The following WNT3A variants were observed in gnomAD, a reference collection of about 807,000 sequenced individuals.
WNT3A encodes the protein protein Wnt-3a.
In WNT3A, 17 loss-of-function variants were observed where a neutral mutation model predicts 37.0. The observed-to-expected ratio is 0.46, with a 90% CI of 0.31 to 0.69. The LOEUF is 0.69. Ranked by LOEUF, WNT3A falls within the 30% of genes least tolerant of loss-of-function variation. WNT3A has a pLI of 0.05. For missense variants in WNT3A, 411 were observed against 510.2 expected (o/e 0.81, Z 1.87); for synonymous variants, 187 against 211.0 (o/e 0.89, Z 0.99).
At position 228,038,860 on chromosome 1, in the gene WNT3A, G is replaced by T. The variant is rs998015459; in HGVS notation, c.314-11796G>T. ...GATCAGGCAGGGGGAAGGCCTGTGG[G>T]GTGGGGCATTTGCCCTGCAGACCTG... On this transcript the variant is annotated intron_variant, in intron 2 of 3. Transcript: ENST00000284523. The surrounding 1 kb of genome is among the most constrained non-coding windows in gnomAD (Gnocchi z 5.7). Among the ~76,000 whole-genome samples the T allele has an allele frequency of 9.9e-5, 15 of 152,224 alleles. 1 individual carries two copies. The highest frequency in any genetic ancestry group is 3.6e-4 in the African/African-American group (15 of 41,464).
chr1:228,045,737 A>T (rs1384211629), intron 2 of WNT3A, among the ~76,000 whole-genome samples: 3 of 152,132 alleles, frequency 2.0e-5, no homozygotes. Flanking sequence ...GTGGCTGCCT[A>T]GCTGCTCCCT....
At chr1:228,028,954 C>T (rs1203374396) in intron 2 of WNT3A, among the ~76,000 whole-genome samples, 5 of 152,058 alleles carry the variant, frequency 3.3e-5, no homozygotes, top group African/African-American at 7.2e-5. Context: ...TTAGGCAAAA[C>T]GAGTTTTTTT....
At chr1:228,028,691 AAT>A (rs1266180415) in intron 2 of WNT3A, among the ~76,000 whole-genome samples, 2 of 152,128 alleles carry the variant, frequency 1.3e-5, no homozygotes, top group African/African-American at 2.4e-5. Flanking sequence ...TTTTGAGGGG[AAT>A]TGCCTTGAAG....
At chr1:228,014,587 G>A (rs2030472802) in intron 1 of WNT3A, among the ~76,000 whole-genome samples, 1 of 152,244 alleles carries the variant, frequency 6.6e-6, no homozygotes, top group Non-Finnish European at 1.5e-5. Context: ...CAGCTGTGTG[G>A]CTGCGAGAAG....
At chr1:228,040,670 T>C (rs1362463679) in intron 2 of WNT3A, among the ~76,000 whole-genome samples, 1 of 151,836 alleles carries the variant, frequency 6.6e-6, no homozygotes, top group Non-Finnish European at 1.5e-5. Flanking sequence ...GATCACGAGG[T>C]CAGGAGATCG....
rs367839893 is a variant in WNT3A, at chr1:228,022,823, G to A, written c.228G>A (p.Glu76=). The part of the protein sequence containing the change: ...VAEGIKIGIQ[E]CQHQFRGRRW... The stretch of plus-strand genomic sequence containing the variant: ...AGGGCATCAAGATTGGCATCCAGGA[G>A]TGCCAGCACCAGTTCCGCGGCCGCC... The change falls in exon 2 of 4, where the codon GAG becomes GAA. Residue 76 remains glutamate (E), a synonymous_variant. Transcript: ENST00000284523. 5.6e-5 allele frequency: 90 copies of A among 1,614,112 alleles called. No individual in the cohort carries two copies. Among genetic ancestry groups the A allele is most frequent in the South Asian group, 3.3e-4 (30 of 91,084 alleles).
chr1:228,011,227 A>T (rs1425168677), intron 1 of WNT3A, among the ~76,000 whole-genome samples: 1 of 132,024 alleles, frequency 7.6e-6, no homozygotes, highest in African/African-American at 2.6e-5. Context: ...TGGCTGCAGC[A>T]TGGGTGTTTC....
chr1:228,038,779 C>T lies in WNT3A; in HGVS notation c.314-11877C>T, dbSNP rs1484556106. 6.6e-6 allele frequency among the ~76,000 whole-genome samples: 1 copy of T among 152,184 alleles called. No homozygotes were observed. Among genetic ancestry groups the T allele is most frequent in the Non-Finnish European group, 1.5e-5 (1 of 68,020 alleles). On this transcript the variant is annotated intron_variant, in intron 2 of 3. Coordinates refer to ENST00000284523, the MANE Select transcript of WNT3A (RefSeq NM_033131.4). The surrounding 1 kb of genome is among the most constrained non-coding windows in gnomAD (Gnocchi z 5.7). ...CTCCATCCCCCAGGATGCCTGAAGGCCAGTCCCTGGAGTACAGGGAGACTG... is the reference window on the plus strand; with the variant it reads ...CTCCATCCCCCAGGATGCCTGAAGGTCAGTCCCTGGAGTACAGGGAGACTG...
chr1:228,055,173 AAAAAAAATATAT>A (rs1489295167), intron 3 of WNT3A, among the ~76,000 whole-genome samples: 3 of 72,342 alleles, frequency 4.1e-5, no homozygotes, highest in African/African-American at 2.0e-4. Flanking sequence ...AAAAAAAAAA[AAAAAAAATATAT>A]ATATATATAT....
chr1:228,020,325 G>C (rs1017344523), intron 1 of WNT3A, among the ~76,000 whole-genome samples: 2 of 152,252 alleles, frequency 1.3e-5, no homozygotes, highest in Admixed American at 6.5e-5. Flanking sequence ...TGGCGTTCCT[G>C]GGTGCTCTGA....
At position 228,059,257 on chromosome 1, in the gene WNT3A, A is replaced by G; in HGVS notation, c.851A>G (p.Asn284Ser). 1.2e-6 allele frequency: 2 copies of G among 1,607,174 alleles called. No individual in the cohort carries two copies. The highest frequency in any genetic ancestry group is 1.7e-6 in the Non-Finnish European group (2 of 1,179,052). The change falls in exon 4 of 4, where the codon AAC (asparagine) becomes AGC (serine). Residue 284 changes from asparagine (N) to serine (S), a missense_variant. Asn to Ser is a conservative substitution (Grantham distance 46). Transcript: ENST00000284523. Reference sequence around the variant, plus strand: ...GCCTCGCCCAACTTCTGCGAGCCCAACCCTGAGACGGGCTCCTTCGGCACG... The same window carrying G: ...GCCTCGCCCAACTTCTGCGAGCCCAGCCCTGAGACGGGCTCCTTCGGCACG... ...YEASPNFCEP[N>S]PETGSFGTRD... is the part of the protein sequence containing the mutation.
rs936827953 is a variant in WNT3A at position 228,038,354 on chromosome 1, C to T, written c.314-12302C>T. The stretch of plus-strand genomic sequence containing the variant: ...CCCACAGCAAAGGGTCTTCTCCTTC[C>T]CCTGTGTTCAGGCCTCAGTGGGGGA... On this transcript the variant is annotated intron_variant, in intron 2 of 3. Coordinates refer to ENST00000284523, the MANE Select transcript of WNT3A (RefSeq NM_033131.4). The surrounding 1 kb of genome is among the most constrained non-coding windows in gnomAD (Gnocchi z 5.7). 6.6e-6 allele frequency among the ~76,000 whole-genome samples: 1 copy of T among 152,238 alleles called. No homozygotes were observed. The highest frequency in any genetic ancestry group is 6.5e-5 in the Admixed American group (1 of 15,284).
chr1:228,007,314 C>T lies in WNT3A; in HGVS notation c.71+115C>T, dbSNP rs995442361. On this transcript the variant is annotated intron_variant, in intron 1 of 3. Transcript: ENST00000284523. This position sits in a 1 kb window ranked among gnomAD's most constrained non-coding sequence, Gnocchi z 6.0. ...AGCCCGCGCCCTTCTGCTCCAGCCC[C>T]GCGTGCGGGCCGCGGGCGGTTGGTT... The T allele has an allele frequency of 2.9e-6, 3 of 1,032,368 alleles. No homozygotes were observed. The highest frequency in any genetic ancestry group is 3.4e-5 in the African/African-American group (2 of 58,006). 64.0% of individuals were successfully genotyped at this position (1,032,368 alleles called of 1,614,324 possible).
Position 228,060,004 on chromosome 1 carries a change from T to G in WNT3A, c.*539T>G. The G allele has an allele frequency of 8.6e-7, 1 of 1,157,416 alleles. No individual in the cohort carries two copies. The highest frequency in any genetic ancestry group is 1.1e-6 in the Non-Finnish European group (1 of 923,898). The allele number at this position is 1,157,416 out of a possible 1,614,324, so 71.7% of individuals were successfully genotyped here. ...TTTTATGGTGGATGAGGCTTCTTCCTGGATGGGGCAGAGCTTCTCCTGACC... is the reference window on the plus strand; with the variant it reads ...TTTTATGGTGGATGAGGCTTCTTCCGGGATGGGGCAGAGCTTCTCCTGACC... On this transcript the variant is annotated 3_prime_UTR_variant, in exon 4 of 4. Coordinates refer to ENST00000284523, the MANE Select transcript of WNT3A (RefSeq NM_033131.4).
rs1228189317 is a variant in WNT3A, at chr1:228,037,344, G to T, written c.314-13312G>T. Among the ~76,000 whole-genome samples, 1 of 152,140 alleles carries T rather than the reference G, an allele frequency of 6.6e-6. No homozygotes were observed. The highest frequency in any genetic ancestry group is 1.5e-5 in the Non-Finnish European group (1 of 68,012). On this transcript the variant is annotated intron_variant, in intron 2 of 3. Coordinates refer to ENST00000284523, the MANE Select transcript of WNT3A (RefSeq NM_033131.4). This position sits in a 1 kb window ranked among gnomAD's most constrained non-coding sequence, Gnocchi z 4.1. Reference sequence around the variant, plus strand: ...AGGACCCCTCCAGCCCCAAAGGGTGGGGAGAGTAATGAAAGGGTCCTGCGC... The same window carrying T: ...AGGACCCCTCCAGCCCCAAAGGGTGTGGAGAGTAATGAAAGGGTCCTGCGC...
intron 2 of WNT3A, among the ~76,000 whole-genome samples, chr1:228,036,010 G>C (rs992426780): frequency 6.6e-6 from 1 of 152,224 alleles, no homozygotes; most frequent in Non-Finnish European, 1.5e-5. Context: ...TTGGAGTCCT[G>C]GTGGCCTGGG....
At chr1:228,009,042 C>A (rs2030292033) in intron 1 of WNT3A, among the ~76,000 whole-genome samples, 1 of 152,168 alleles carries the variant, frequency 6.6e-6, no homozygotes, top group Non-Finnish European at 1.5e-5. Flanking sequence ...AGCCCTTTGG[C>A]CACACAGGGA....
At chr1:228,055,974 CT>C (rs1241338252) in intron 3 of WNT3A, among the ~76,000 whole-genome samples, 5 of 152,166 alleles carry the variant, frequency 3.3e-5, no homozygotes, top group Non-Finnish European at 7.3e-5. Flanking sequence ...AAGTTCATGC[CT>C]TTCTCTCTCC....
intron 2 of WNT3A, among the ~76,000 whole-genome samples, chr1:228,045,178 C>T (rs535359824): frequency 1.3e-5 from 2 of 152,304 alleles, no homozygotes; most frequent in East Asian, 3.9e-4. Context: ...TTGTTATGGG[C>T]AGGGCATGAG....
Sources: allele counts gnomAD v4.1 joint callset (sites outside exome capture counted in the v4.1 genomes callset), GRCh38; gene constraint gnomAD v4.1.1; non-coding constraint Gnocchi (gnomAD v3.1); transcripts MANE v1.5; gene names NCBI Gene and HGNC (gene_info 2026-07-23, HGNC 2026-07-21).